Variants in SNRPN observed in about 807,000 individuals in gnomAD.
The protein encoded by SNRPN is small nuclear ribonucleoprotein polypeptide N, also known as small nuclear ribonucleoprotein-associated protein N.
SNRPN carries 7 observed loss-of-function variants against 25.2 expected under a neutral mutation model. That is an observed-to-expected ratio of 0.28 (90% CI 0.16 to 0.52). The LOEUF (loss-of-function observed/expected upper bound fraction) is 0.52. Among genes scored for constraint, SNRPN ranks in the 20% least tolerant of loss-of-function variants. SNRPN has a pLI of 0.96. For missense variants in SNRPN, 196 were observed against 322.5 expected, an observed-to-expected ratio of 0.61 and a Z score of 3.00; for synonymous variants, 124 against 110.6, an observed-to-expected ratio of 1.12 and a Z score of -0.76.
chr15:24,903,035 C>A (rs547770089), intron 2 of SNRPN, among the ~76,000 whole-genome samples: 28 of 152,230 alleles, frequency 1.8e-4, no homozygotes, highest in East Asian at 5.8e-4. Flanking sequence ...GTTTACAAAC[C>A]TTTAGCTAGA....
At chr15:24,955,560 T>G (rs1216710603) in intron 1 of SNRPN, among the ~76,000 whole-genome samples, 1 of 140,692 alleles carries the variant, frequency 7.1e-6, no homozygotes. Context: ...GGTAGGTGTA[T>G]AATAGTGACC....
At chr15:24,908,136 A>C (rs1318781364) in intron 2 of SNRPN, among the ~76,000 whole-genome samples, 1 of 151,568 alleles carries the variant, frequency 6.6e-6, no homozygotes, top group Non-Finnish European at 1.5e-5. Context: ...TATGCCAGTG[A>C]CTTGATGGCG....
intron 3 of SNRPN, among the ~76,000 whole-genome samples, chr15:24,934,055 TGG>T (rs996460077): frequency 3.9e-5 from 6 of 151,956 alleles, no homozygotes; most frequent in African/African-American, 1.5e-4. Flanking sequence ...CCCATCACTT[TGG>T]GAGGCCGAGG....
At chr15:24,925,995 A>C (rs2060355353) in intron 3 of SNRPN, among the ~76,000 whole-genome samples, 1 of 152,022 alleles carries the variant, frequency 6.6e-6, no homozygotes, top group Non-Finnish European at 1.5e-5. Context: ...CGGCCTCCCA[A>C]AGTGCTGGGA....
intron 2 of SNRPN, among the ~76,000 whole-genome samples, chr15:24,834,751 C>CTCTCTATATATATATATATA: frequency 6.6e-5 from 4 of 60,954 alleles, no homozygotes; most frequent in Admixed American, 2.1e-4. Flanking sequence ...CTCTCTCTCT[C>CTCTCTATATATATATATATA]TATATATATA....
chr15:24,841,372 CT>C lies in SNRPN; in HGVS notation c.-579+11468del. Among the ~76,000 whole-genome samples the C allele has an allele frequency of 2.0e-5, 3 of 152,134 alleles. No homozygotes were observed. The South Asian group carries it at 6.2e-4, about 32-fold the overall frequency. ...CACTCAGGGTGGGAACCAGAGCCAC[CT>C]GCATAAAAAGTTGCTCACAGGGCTC... On this transcript the variant is annotated intron_variant, in intron 2 of 12. Coordinates refer to the SNRPN transcript ENST00000400100.
chr15:24,873,467 A>T, intron 1 of SNRPN, among the ~76,000 whole-genome samples: 1 of 119,458 alleles, frequency 8.4e-6, no homozygotes, highest in Non-Finnish European at 1.8e-5. Flanking sequence ...TTTTTTTTTG[A>T]GACAAAGTCT....
chr15:24,829,411 T>C (rs995399823), intron 1 of SNRPN, among the ~76,000 whole-genome samples: 9 of 151,992 alleles, frequency 5.9e-5, no homozygotes, highest in Admixed American at 5.2e-4. Flanking sequence ...GGAAACAGTG[T>C]GTCTGTGGCA....
At chr15:24,933,233 C>G (rs117215936) in intron 3 of SNRPN, among the ~76,000 whole-genome samples, 2,236 of 152,090 alleles carry the variant, frequency 0.015, 32 homozygotes, top group South Asian at 0.022. Flanking sequence ...GTGCTCTAGC[C>G]TGGGCGACAG....
intron 4 of SNRPN, 58 bp from the exon 5 acceptor site, chr15:24,975,300 A>C: frequency 7.2e-7 from 1 of 1,397,970 alleles, no homozygotes; most frequent in Non-Finnish European, 1.0e-6. Context: ...AAACAGGAGA[A>C]GATTAGAAGA....
rs772029859 is a variant in SNRPN, at chr15:24,929,109, G to A, written c.-391+8985G>A. On this transcript the variant is annotated intron_variant, in intron 3 of 11. Transcript: ENST00000400097. This position sits in a 1 kb window ranked among gnomAD's most constrained non-coding sequence, Gnocchi z 5.3. Reference sequence around the variant, plus strand: ...TGCTTTTAGGCCCTTCCAGATATACGGGATATAAAGATATAGCTATATGTA... The same window carrying A: ...TGCTTTTAGGCCCTTCCAGATATACAGGATATAAAGATATAGCTATATGTA... Among the ~76,000 whole-genome samples the A allele has an allele frequency of 1.4e-4, 21 of 151,986 alleles. No individual in the cohort carries two copies. The highest frequency in any genetic ancestry group is 2.5e-4 in the Non-Finnish European group (17 of 68,004).
intron 2 of SNRPN, among the ~76,000 whole-genome samples, chr15:24,913,283 C>T (rs78200182): frequency 0.064 from 9,764 of 152,168 alleles, 373 homozygotes; most frequent in Non-Finnish European, 0.092. Flanking sequence ...CTAAGATACT[C>T]AGGAAAACAG....
intron 3 of SNRPN, among the ~76,000 whole-genome samples, chr15:24,925,535 G>T (rs538233471): frequency 6.6e-6 from 1 of 152,206 alleles, no homozygotes; most frequent in Middle Eastern, 3.4e-3. Context: ...CATTTCTGCT[G>T]TGTCTTACTC....
intron 2 of SNRPN, among the ~76,000 whole-genome samples, chr15:24,832,631 C>A (rs766099496): frequency 6.6e-6 from 1 of 151,958 alleles, no homozygotes. Flanking sequence ...TCCCTTTCCA[C>A]GCAATGGAAG....
At chr15:24,977,523 C>T (rs114827683) in intron 7 of SNRPN, among the ~76,000 whole-genome samples, 2,690 of 151,938 alleles carry the variant, frequency 0.018, 77 homozygotes, top group African/African-American at 0.061. Context: ...GCCTGTAATC[C>T]CAGCTACCAG....
At chr15:24,928,632 T>A (rs963759201) in intron 3 of SNRPN, among the ~76,000 whole-genome samples, 2 of 151,638 alleles carry the variant, frequency 1.3e-5, no homozygotes, top group African/African-American at 4.9e-5. Flanking sequence ...CTAGCTGTAA[T>A]TTTCCCTCTT....
At chr15:24,921,084 G>A (rs1268384479) in intron 3 of SNRPN, 1 of 152,200 alleles carries the variant, frequency 6.6e-6, no homozygotes, top group Non-Finnish European at 1.5e-5. Context: ...AATTCTGGAA[G>A]TGGCATATAT....
Position 24,945,946 on chromosome 15 carries a change from G to C in SNRPN, c.-390-16168G>C, listed in dbSNP as rs1297722363. On this transcript the variant is annotated intron_variant, in intron 3 of 11. Coordinates refer to the SNRPN transcript ENST00000400097. Reference sequence around the variant, plus strand: ...ACATGTTGGCTGCTCCTGTTACTTGGTGCTTTGAGCAGAAAGGCCTGTTGG... The same window carrying C: ...ACATGTTGGCTGCTCCTGTTACTTGCTGCTTTGAGCAGAAAGGCCTGTTGG... Among the ~76,000 whole-genome samples the C allele has an allele frequency of 2.6e-5, 4 of 152,166 alleles. 1 individual carries two copies. Among genetic ancestry groups the C allele is most frequent in the Admixed American group, 2.6e-4 (4 of 15,276 alleles).
At chr15:24,957,222 G>C (rs2063081330) in intron 1 of SNRPN, among the ~76,000 whole-genome samples, 1 of 152,248 alleles carries the variant, frequency 6.6e-6, no homozygotes, top group South Asian at 2.1e-4. Context: ...ATGGGTTGGG[G>C]GAGAGGACAT....
Sources: gnomAD v4.1 joint callset for allele counts (sites outside exome capture counted in the v4.1 genomes callset) on GRCh38, gnomAD v4.1.1 for gene constraint, Gnocchi (gnomAD v3.1) non-coding constraint, MANE v1.5 for transcripts, NCBI Gene and HGNC (gene_info 2026-07-23, HGNC 2026-07-21) for gene names.